Variants in RAB27A observed in about 807,000 individuals in gnomAD.
RAB27A encodes ras-related protein Rab-27A.
In RAB27A, 17 loss-of-function variants were observed where a neutral mutation model predicts 20.8. That is an observed-to-expected ratio of 0.82 (90% CI 0.56 to 1.23). The LOEUF (loss-of-function observed/expected upper bound fraction) is 1.23. Ranked by LOEUF, RAB27A falls within the 50% of genes most tolerant of loss-of-function variation. The pLI is 0.00. For synonymous variants in RAB27A, 85 were observed against 92.8 expected (o/e 0.92, Z 0.48); for missense variants, 277 against 266.7 (o/e 1.04, Z -0.27).
chr15:55,248,913 T>C (rs528389025), intron 2 of RAB27A: 1 of 152,252 alleles, frequency 6.6e-6, no homozygotes, highest in South Asian at 2.1e-4. Flanking sequence ...TCCCTAAATA[T>C]CATATTCTTT....
intron 2 of RAB27A, among the ~76,000 whole-genome samples, chr15:55,299,592 CAAAAAA>C (rs570200207): frequency 1.4e-5 from 1 of 70,314 alleles, no homozygotes; most frequent in Non-Finnish European, 2.9e-5. Context: ...GAATCTGTCT[CAAAAAA>C]AAAAAAAAAA....
chr15:55,316,049 T>A (rs567317162), intron 1 of RAB27A, among the ~76,000 whole-genome samples: 52 of 151,984 alleles, frequency 3.4e-4, no homozygotes, highest in Non-Finnish European at 5.7e-4. Context: ...CTGGCCAAAA[T>A]GGTGAAACCC....
chr15:55,284,213 T>C (rs948001523), intron 1 of RAB27A, among the ~76,000 whole-genome samples: 1 of 152,226 alleles, frequency 6.6e-6, no homozygotes, highest in African/African-American at 2.4e-5. Flanking sequence ...AAATCTTGTT[T>C]AAAAAGAACA....
chr15:55,305,350 T>C (rs915244374), intron 2 of RAB27A, among the ~76,000 whole-genome samples: 8 of 152,240 alleles, frequency 5.3e-5, no homozygotes, highest in Non-Finnish European at 1.2e-4. Context: ...TCATTAACAT[T>C]GGAGCATGGG....
intron 2 of RAB27A, among the ~76,000 whole-genome samples, chr15:55,265,593 T>C (rs1897444535): frequency 6.6e-6 from 1 of 151,368 alleles, no homozygotes. Context: ...AACATGTAAC[T>C]GAGTTTTGAT....
upstream of RAB27A, chr15:55,290,302 A>AGGCCC (rs940069756): frequency 6.6e-6 from 1 of 152,168 alleles, no homozygotes; most frequent in African/African-American, 2.4e-5. Flanking sequence ...GCGGCGTCCC[A>AGGCCC]GGCCCGGCCC....
intron 6 of RAB27A, among the ~76,000 whole-genome samples, chr15:55,215,963 A>AAAAAAAAAAAAAAC: frequency 6.6e-6 from 1 of 151,366 alleles, no homozygotes; most frequent in Admixed American, 6.6e-5. Context: ...AAAAAAAAAA[A>AAAAAAAAAAAAAAC]AAAAAGAAGT....
At chr15:55,243,781 G>T (rs1209559254) in intron 2 of RAB27A, among the ~76,000 whole-genome samples, 1 of 152,158 alleles carries the variant, frequency 6.6e-6, no homozygotes, top group African/African-American at 2.4e-5. Context: ...TATATTCAAT[G>T]TGGAAAATCT....
At chr15:55,242,427 A>T (rs1418639221) in intron 2 of RAB27A, among the ~76,000 whole-genome samples, 3 of 152,196 alleles carry the variant, frequency 2.0e-5, no homozygotes, top group African/African-American at 7.2e-5. Flanking sequence ...AAACTGTAAA[A>T]TGGAGATAAT....
At chr15:55,233,887 C>G (rs1200473003) in intron 3 of RAB27A, among the ~76,000 whole-genome samples, 3 of 152,116 alleles carry the variant, frequency 2.0e-5, no homozygotes, top group African/African-American at 7.2e-5. Context: ...TATGTAGATT[C>G]TATCAACTAC....
chr15:55,234,280 G>A (rs1896161821), intron 3 of RAB27A, among the ~76,000 whole-genome samples: 1 of 152,154 alleles, frequency 6.6e-6, no homozygotes, highest in Admixed American at 6.5e-5. Context: ...ACATTCTGCA[G>A]AACATCACAT....
At chr15:55,228,588 C>G (rs771670308) in intron 5 of RAB27A, 21 bp downstream of exon 5, 1 of 1,529,166 alleles carries the variant, frequency 6.5e-7, no homozygotes, top group Non-Finnish European at 9.1e-7. Context: ...TAGCAGGACA[C>G]TGGGGAACAA....
At chr15:55,278,922 C>T (rs1045255549) in intron 1 of RAB27A, among the ~76,000 whole-genome samples, 4 of 152,150 alleles carry the variant, frequency 2.6e-5, no homozygotes, top group African/African-American at 7.2e-5. Flanking sequence ...TATCACCAAA[C>T]GGATGAAATA....
intron 2 of RAB27A, among the ~76,000 whole-genome samples, chr15:55,302,728 C>A (rs1219485891): frequency 4.1e-5 from 5 of 121,672 alleles, no homozygotes; most frequent in Admixed American, 1.5e-4. Context: ...GCCCCGCCGC[C>A]CCATCTGGGA....
chr15:55,253,115 G>A (rs186088101), intron 2 of RAB27A, among the ~76,000 whole-genome samples: 367 of 148,258 alleles, frequency 2.5e-3, no homozygotes, highest in Non-Finnish European at 3.8e-3. Flanking sequence ...CTGGGTGACA[G>A]AGCAAGACTC....
chr15:55,204,061 T>C lies in RAB27A; in HGVS notation c.*1446A>G, dbSNP rs1222888592. 1.3e-5 allele frequency: 2 copies of C among 152,210 alleles called. No homozygotes were observed. The highest frequency in any genetic ancestry group is 2.9e-5 in the Non-Finnish European group (2 of 68,034). 9.4% of individuals were successfully genotyped at this position (152,210 alleles called of 1,614,324 possible). On this transcript the variant is annotated 3_prime_UTR_variant, in exon 7 of 7. Coordinates refer to ENST00000336787, the MANE Select transcript of RAB27A (RefSeq NM_183235.3). Reference sequence around the variant, plus strand: ...ACTTGTATTTTTCTAATTACAGTTCTACCAAACATTTGCCACCACAAAATA... The same window carrying C: ...ACTTGTATTTTTCTAATTACAGTTCCACCAAACATTTGCCACCACAAAATA...
chr15:55,296,098 G>A (rs139742311), intron 2 of RAB27A, among the ~76,000 whole-genome samples: 7,625 of 151,342 alleles, frequency 0.05, 264 homozygotes, highest in East Asian at 0.15. Flanking sequence ...GTTCCACCAT[G>A]TTGGCCAGGC....
rs1226099385 is a variant in RAB27A, at chr15:55,278,878, T to C, written c.-142-8594A>G. On this transcript the variant is annotated intron_variant, in intron 1 of 6. Transcript: ENST00000336787. ...GTTCTAAGCCAAGTCATTCACTAATTATGTCAATTCTATCCCTGAAAAATA... is the reference window on the plus strand; with the variant it reads ...GTTCTAAGCCAAGTCATTCACTAATCATGTCAATTCTATCCCTGAAAAATA... 2.0e-5 allele frequency among the ~76,000 whole-genome samples: 3 copies of C among 152,314 alleles called. No individual in the cohort carries two copies. The East Asian group carries it at 5.8e-4, about 29-fold the overall frequency.
intron 2 of RAB27A, among the ~76,000 whole-genome samples, chr15:55,260,433 G>C (rs1897232798): frequency 6.6e-6 from 1 of 152,094 alleles, no homozygotes; most frequent in South Asian, 2.1e-4. Context: ...CACATTCTTT[G>C]GTATTTACCC....
Sources: allele counts gnomAD v4.1 joint callset (sites outside exome capture counted in the v4.1 genomes callset), GRCh38; gene constraint gnomAD v4.1.1; transcripts MANE v1.5; gene names NCBI Gene and HGNC (gene_info 2026-07-23, HGNC 2026-07-21).